ITSN1: variants seen among roughly 807,000 people sequenced by gnomAD.
The protein encoded by ITSN1 is intersectin 1, also known as intersectin-1.
A neutral mutation model predicts 239.8 loss-of-function variants in ITSN1; 58 were observed. The observed-to-expected ratio is 0.24, with a 90% CI of 0.20 to 0.30. The LOEUF (loss-of-function observed/expected upper bound fraction) is 0.30. Among genes scored for constraint, ITSN1 ranks in the 10% least tolerant of loss-of-function variants. The pLI, the probability that ITSN1 is intolerant of heterozygous loss-of-function variation, is 1.00. For synonymous variants in ITSN1, 780 were observed against 770.8 expected (o/e 1.01, Z -0.20); for missense variants, 1,558 against 2,103.3 (o/e 0.74, Z 5.07).
At chr21:33,810,506 CT>C (rs1269652534) in intron 20 of ITSN1, among the ~76,000 whole-genome samples, 2 of 151,958 alleles carry the variant, frequency 1.3e-5, no homozygotes, top group East Asian at 3.9e-4. Context: ...TTAAATCTTC[CT>C]TGTCCTTATA....
At chr21:33,733,878 C>A (rs898233599) in intron 4 of ITSN1, among the ~76,000 whole-genome samples, 1 of 152,162 alleles carries the variant, frequency 6.6e-6, no homozygotes, top group Non-Finnish European at 1.5e-5. Flanking sequence ...AATGTGCCAA[C>A]TTTTACAATC....
chr21:33,814,033 C>T lies in ITSN1; in HGVS notation c.2688C>T (p.Ala896=), dbSNP rs923436820. 2 of 1,614,172 alleles carry T rather than the reference C, an allele frequency of 1.2e-6. No individual in the cohort carries two copies. Among genetic ancestry groups the T allele is most frequent in the Non-Finnish European group, 1.7e-6 (2 of 1,180,022 alleles). The change falls in exon 22 of 40, where the codon GCC becomes GCT. Residue 896 remains alanine (A), a synonymous_variant. Transcript: ENST00000381318. ...GGCAGAGGTCCGCCTTTACTCCAGCCACGGCCACTGGCTCCTCCCCGTCTC... is the reference window on the plus strand; with the variant it reads ...GGCAGAGGTCCGCCTTTACTCCAGCTACGGCCACTGGCTCCTCCCCGTCTC... ...QLRQRSAFTP[A]TATGSSPSPV...
chr21:33,872,547 T>A (rs1417860058), intron 33 of ITSN1, among the ~76,000 whole-genome samples: 2 of 152,218 alleles, frequency 1.3e-5, no homozygotes, highest in Non-Finnish European at 2.9e-5. Flanking sequence ...TTTACTTTTT[T>A]TTGAGACAGA....
chr21:33,817,205 A>G (rs1167431075), intron 22 of ITSN1: 2 of 1,284,298 alleles, frequency 1.6e-6, no homozygotes, highest in Non-Finnish European at 2.0e-6. Flanking sequence ...TTAAAAGATA[A>G]TAAATGCCTC....
At chr21:33,809,015 C>T (rs1466467294) in intron 20 of ITSN1, among the ~76,000 whole-genome samples, 1 of 152,134 alleles carries the variant, frequency 6.6e-6, no homozygotes, top group Admixed American at 6.5e-5. Flanking sequence ...CACCATATCA[C>T]CAAAATGTAA....
intron 29 of ITSN1, among the ~76,000 whole-genome samples, chr21:33,851,938 C>A (rs989696998): frequency 2.1e-4 from 32 of 151,750 alleles, no homozygotes; most frequent in African/African-American, 7.8e-4. Context: ...CATGTACCAC[C>A]ATGCATGGAT....
At chr21:33,760,189 A>G (rs2147623268) in intron 8 of ITSN1, among the ~76,000 whole-genome samples, 1 of 152,190 alleles carries the variant, frequency 6.6e-6, no homozygotes, top group South Asian at 2.1e-4. Context: ...ACTCCATAGC[A>G]GTGAGGATTA....
rs760085854 is a variant in ITSN1, at chr21:33,753,761, T to TAAAAAAAAAAAAAAA, written c.624-1522_624-1508dup. Among the ~76,000 whole-genome samples the TAAAAAAAAAAAAAAA allele has an allele frequency of 7.3e-4, 60 of 81,764 alleles. 4 individuals are homozygous for TAAAAAAAAAAAAAAA. The highest frequency in any genetic ancestry group is 3.2e-3 in the African/African-American group (56 of 17,574). 53.6% of individuals were successfully genotyped at this position (81,764 alleles called of 152,430 possible). A position where few individuals can be genotyped will look rare whatever the true frequency, so the allele number is the denominator to read the frequency against. On this transcript the variant is annotated intron_variant, in intron 7 of 39. Coordinates refer to ENST00000381318, the MANE Select transcript of ITSN1 (RefSeq NM_003024.3). ...TGGGTGACACGGCAAGTCTCTTTCTTAAAAAAAAAAAAAAAAAAAAAAAAA... is the reference window on the plus strand; with the variant it reads ...TGGGTGACACGGCAAGTCTCTTTCTTAAAAAAAAAAAAAAAAAAAAAAAAAAAAAAAAAAAAAAAA...
In ITSN1 at chr21:33,731,612, A is replaced by G. The variant is rs116655789; in HGVS notation, c.186-3432A>G. ...TCACAATGTATGAAAAGAATACACAATGACCAACTTTATGCCAGAGGTGCA... is the reference window on the plus strand; with the variant it reads ...TCACAATGTATGAAAAGAATACACAGTGACCAACTTTATGCCAGAGGTGCA... On this transcript the variant is annotated intron_variant, in intron 4 of 39. Transcript: ENST00000381318. 3.0e-3 allele frequency among the ~76,000 whole-genome samples: 456 copies of G among 152,340 alleles called. 5 individuals are homozygous for G. The highest frequency in any genetic ancestry group is 9.2e-3 in the African/African-American group (383 of 41,578).
intron 4 of ITSN1, among the ~76,000 whole-genome samples, chr21:33,723,458 C>CA (rs1378934994): frequency 1.3e-5 from 2 of 152,058 alleles, no homozygotes; most frequent in Non-Finnish European, 2.9e-5. Flanking sequence ...CCTAAAAATA[C>CA]AAAAAATTAG....
intron 2 of ITSN1, 122 bp downstream of exon 2, chr21:33,718,978 A>G (rs1351044765): frequency 7.9e-6 from 6 of 763,330 alleles, no homozygotes; most frequent in African/African-American, 1.8e-5. Context: ...CATGTATTCC[A>G]TCATATAGTT....
chr21:33,703,606 T>C (rs983077462), intron 1 of ITSN1, among the ~76,000 whole-genome samples: 2 of 152,180 alleles, frequency 1.3e-5, no homozygotes, highest in African/African-American at 4.8e-5. Context: ...TTGTGTAAAG[T>C]GTGGCAAAGA....
At chr21:33,789,034 G>C (rs1204103194) in intron 16 of ITSN1, among the ~76,000 whole-genome samples, 1 of 152,132 alleles carries the variant, frequency 6.6e-6, no homozygotes, top group East Asian at 1.9e-4. Flanking sequence ...TAGTTTCTGT[G>C]TTCTGAAATC....
chr21:33,676,251 A>C lies in ITSN1; in HGVS notation c.-33+33538A>C, dbSNP rs559699603. ...CTCCGCTTCGGCCTCCCAGAGTGCTAGGATTACACGCATGAGCCATTGCGC... is the reference window on the plus strand; with the variant it reads ...CTCCGCTTCGGCCTCCCAGAGTGCTCGGATTACACGCATGAGCCATTGCGC... On this transcript the variant is annotated intron_variant, in intron 1 of 39. Transcript: ENST00000381318. Among the ~76,000 whole-genome samples, 8 of 152,184 alleles carry C rather than the reference A, an allele frequency of 5.3e-5. No individual in the cohort carries two copies. The East Asian group carries it at 1.5e-3, about 29-fold the overall frequency.
chr21:33,828,568 G>A (rs1033638924), intron 26 of ITSN1, among the ~76,000 whole-genome samples: 4 of 152,228 alleles, frequency 2.6e-5, no homozygotes, highest in African/African-American at 9.6e-5. Flanking sequence ...AGGAAATCTC[G>A]TCAGAACATG....
chr21:33,771,950 T>C (rs2069197430), intron 11 of ITSN1, 111 bp from the exon 12 acceptor site: 1 of 1,204,744 alleles, frequency 8.3e-7, no homozygotes. Context: ...GCTTAGGGAG[T>C]TCTGGGTTTG....
chr21:33,780,726 T>A (rs2070098428), intron 14 of ITSN1, among the ~76,000 whole-genome samples: 1 of 152,236 alleles, frequency 6.6e-6, no homozygotes, highest in African/African-American at 2.4e-5. Flanking sequence ...CAAATATTCT[T>A]TATTATAACC....
At chr21:33,823,716 C>T (rs1602453852) in intron 25 of ITSN1, 63 bp downstream of exon 25, 14 of 1,478,094 alleles carry the variant, frequency 9.5e-6, no homozygotes, top group Middle Eastern at 1.8e-4. Context: ...TGGGGAGTCA[C>T]GATGTTTGAC....
chr21:33,814,239 G>T, intron 22 of ITSN1, 167 bp downstream of exon 22: 3 of 507,062 alleles, frequency 5.9e-6, no homozygotes, highest in Non-Finnish European at 1.0e-5. Context: ...GCTGTGAATA[G>T]TTGGGAGTTG....
Sources: allele counts gnomAD v4.1 joint callset (sites outside exome capture counted in the v4.1 genomes callset), GRCh38; gene constraint gnomAD v4.1.1; transcripts MANE v1.5; gene names NCBI Gene and HGNC (gene_info 2026-07-23, HGNC 2026-07-21).